Variants in SH3RF2 observed in about 807,000 individuals in gnomAD.
SH3RF2 encodes SH3 domain containing ring finger 2.
A neutral mutation model predicts 59.0 loss-of-function variants in SH3RF2; 43 were observed. That is an observed-to-expected ratio of 0.73 (90% CI 0.57 to 0.94). The LOEUF (loss-of-function observed/expected upper bound fraction) is 0.94. SH3RF2 is among the 40% of genes least tolerant of loss of function. SH3RF2 has a pLI of 0.00. For synonymous variants in SH3RF2, 391 were observed against 391.5 expected (o/e 1.00, Z 0.01); for missense variants, 930 against 940.1 (o/e 0.99, Z 0.14).
chr5:146,049,526 GCA>G (rs1419605673), intron 7 of SH3RF2, among the ~76,000 whole-genome samples: 1 of 152,150 alleles, frequency 6.6e-6, no homozygotes, highest in African/African-American at 2.4e-5. Flanking sequence ...AAAATGGTGT[GCA>G]GAGTTAAGCA....
chr5:146,013,344 G>A (rs569235318), intron 4 of SH3RF2, among the ~76,000 whole-genome samples: 2 of 152,280 alleles, frequency 1.3e-5, no homozygotes, highest in East Asian at 1.9e-4. Flanking sequence ...GGAGCACCAG[G>A]AAGGACAAGT....
chr5:146,044,438 G>C (rs1381238735), intron 5 of SH3RF2, among the ~76,000 whole-genome samples: 1 of 152,040 alleles, frequency 6.6e-6, no homozygotes, highest in Non-Finnish European at 1.5e-5. Flanking sequence ...TTTGATTTTA[G>C]CCATTCTCAT....
chr5:146,010,327 C>T lies in SH3RF2; in HGVS notation c.745-3420C>T, dbSNP rs190639993. 1.0e-3 allele frequency among the ~76,000 whole-genome samples: 157 copies of T among 152,228 alleles called. 1 individual carries two copies. The highest frequency in any genetic ancestry group is 3.7e-3 in the African/African-American group (153 of 41,532). ...AAGTCTTTGCTATTGTGAATAGTGC[C>T]ACAATAAACATACGTGTGCATGTGT... On this transcript the variant is annotated intron_variant, in intron 4 of 9. Coordinates refer to ENST00000359120, the MANE Select transcript of SH3RF2 (RefSeq NM_152550.4).
At chr5:145,975,976 G>C (rs1473693116) in intron 2 of SH3RF2, among the ~76,000 whole-genome samples, 2 of 152,212 alleles carry the variant, frequency 1.3e-5, no homozygotes, top group Non-Finnish European at 2.9e-5. Flanking sequence ...GAGATCAATG[G>C]TGTTGCCTCA....
chr5:146,009,468 G>A (rs1580852832), intron 4 of SH3RF2, among the ~76,000 whole-genome samples: 2 of 152,176 alleles, frequency 1.3e-5, no homozygotes, highest in South Asian at 4.2e-4. Flanking sequence ...AGCTTATGGT[G>A]CCTCTTCTGG....
chr5:145,963,964 T>C lies in SH3RF2; in HGVS notation c.378+25658T>C, dbSNP rs1187043901. ...TCTCCTGCCTCAGCCTCCCCAGTAGTTGGGACTACAGGCGCCCGCCACCGC... is the reference window on the plus strand; with the variant it reads ...TCTCCTGCCTCAGCCTCCCCAGTAGCTGGGACTACAGGCGCCCGCCACCGC... On this transcript the variant is annotated intron_variant, in intron 2 of 9. Coordinates refer to ENST00000359120, the MANE Select transcript of SH3RF2 (RefSeq NM_152550.4). Among the ~76,000 whole-genome samples the C allele has an allele frequency of 5.9e-5, 9 of 151,600 alleles. No individual in the cohort carries two copies. In the East Asian group the frequency reaches 1.4e-3, roughly 23 times the overall value.
At chr5:145,941,778 A>G (rs2149938621) in intron 2 of SH3RF2, among the ~76,000 whole-genome samples, 1 of 152,244 alleles carries the variant, frequency 6.6e-6, no homozygotes, top group South Asian at 2.1e-4. Flanking sequence ...CCATCTGTAA[A>G]TTGGAGATAA....
chr5:146,003,564 T>A (rs1446871319), intron 3 of SH3RF2, among the ~76,000 whole-genome samples: 1 of 152,258 alleles, frequency 6.6e-6, no homozygotes, highest in East Asian at 1.9e-4. Context: ...TGCTTATCTG[T>A]ATTTTCAAAT....
intron 5 of SH3RF2, among the ~76,000 whole-genome samples, chr5:146,030,542 C>T (rs1047970645): frequency 1.2e-4 from 18 of 152,136 alleles, no homozygotes; most frequent in Non-Finnish European, 1.8e-4. Flanking sequence ...CATCTGTCTA[C>T]GTCTGTAGAG....
intron 9 of SH3RF2, among the ~76,000 whole-genome samples, chr5:146,077,433 T>C (rs933815918): frequency 1.3e-5 from 2 of 152,250 alleles, no homozygotes; most frequent in South Asian, 4.1e-4. Flanking sequence ...CTTTTATAAA[T>C]GTTTGCTAAA....
At chr5:145,978,966 T>G (rs1759406335) in intron 2 of SH3RF2, among the ~76,000 whole-genome samples, 2 of 152,190 alleles carry the variant, frequency 1.3e-5, no homozygotes, top group African/African-American at 4.8e-5. Flanking sequence ...AAGATTGGGT[T>G]CCTGTTTTCC....
intron 2 of SH3RF2, among the ~76,000 whole-genome samples, chr5:145,973,372 C>G (rs1443752963): frequency 1.3e-5 from 2 of 152,116 alleles, no homozygotes; most frequent in African/African-American, 4.8e-5. Context: ...TGGGCATTTT[C>G]AACGGTATCT....
intron 5 of SH3RF2, among the ~76,000 whole-genome samples, chr5:146,046,365 A>G (rs10463381): frequency 0.34 from 51,666 of 151,796 alleles, 9,120 homozygotes; most frequent in Non-Finnish European, 0.38. Flanking sequence ...ATTTAATAAC[A>G]CACTCATACC....
At chr5:145,942,726 A>G (rs1456855265) in intron 2 of SH3RF2, among the ~76,000 whole-genome samples, 2 of 152,250 alleles carry the variant, frequency 1.3e-5, no homozygotes, top group Non-Finnish European at 2.9e-5. Flanking sequence ...AAGGTTGAGA[A>G]GTCAAGAGAC....
chr5:146,067,876 A>G (rs1763142324), downstream of SH3RF2, among the ~76,000 whole-genome samples: 1 of 152,216 alleles, frequency 6.6e-6, no homozygotes, highest in Non-Finnish European at 1.5e-5. Flanking sequence ...GACCTCCAGC[A>G]ATAAAGCCCT....
At chr5:146,047,723 G>C in intron 5 of SH3RF2, 49 bp from the exon 6 acceptor site, 2 of 1,574,372 alleles carry the variant, frequency 1.3e-6, no homozygotes, top group Non-Finnish European at 1.7e-6. Flanking sequence ...TGTGGGCCTG[G>C]GTTGTGGCAT....
At chr5:145,955,801 G>A (rs1035420599) in intron 2 of SH3RF2, among the ~76,000 whole-genome samples, 3 of 152,144 alleles carry the variant, frequency 2.0e-5, no homozygotes, top group African/African-American at 7.2e-5. Flanking sequence ...CATATAAAAT[G>A]TTACTTTGTG....
rs1762955544 is a variant in SH3RF2, at chr5:146,062,949, A to G, written c.*248A>G. On this transcript the variant is annotated 3_prime_UTR_variant, in exon 10 of 10. Transcript: ENST00000359120. ...CAAAGCTCGCTTACTCAGACCAAGG[A>G]GTGAAAAATTGTCGTGCCCACTTTA... 1 of 540,432 alleles carries G rather than the reference A, an allele frequency of 1.9e-6. No homozygotes were observed. Among genetic ancestry groups the G allele is most frequent in the Non-Finnish European group, 3.2e-6 (1 of 309,770 alleles). 33.5% of individuals were successfully genotyped at this position (540,432 alleles called of 1,614,324 possible).
At chr5:145,946,619 C>T (rs554856590) in intron 2 of SH3RF2, among the ~76,000 whole-genome samples, 209 of 152,284 alleles carry the variant, frequency 1.4e-3, no homozygotes, top group African/African-American at 4.9e-3. Flanking sequence ...ACATCATTCT[C>T]GGGAAAATAC....
Sources: gnomAD v4.1 joint callset for allele counts (sites outside exome capture counted in the v4.1 genomes callset) on GRCh38, gnomAD v4.1.1 for gene constraint, MANE v1.5 for transcripts, NCBI Gene and HGNC (gene_info 2026-07-23, HGNC 2026-07-21) for gene names.